Variants in HAUS1 observed in about 807,000 individuals in gnomAD.
The protein encoded by HAUS1 is HAUS augmin-like complex subunit 1.
A neutral mutation model predicts 38.6 loss-of-function variants in HAUS1; 25 were observed. The ratio of observed to expected loss-of-function variants is 0.65; its 90% CI spans 0.47 to 0.91. The LOEUF is 0.91. Ranked by LOEUF, HAUS1 falls within the 40% of genes least tolerant of loss-of-function variation. The pLI is 0.00. For synonymous variants in HAUS1, 109 were observed against 112.9 expected (o/e 0.97, Z 0.22); for missense variants, 325 against 328.4 (o/e 0.99, Z 0.08).
chr18:46,110,881 G>T (rs1438703443), intron 2 of HAUS1, among the ~76,000 whole-genome samples: 2 of 128,350 alleles, frequency 1.6e-5, no homozygotes, highest in Admixed American at 2.0e-4. Flanking sequence ...CTGCTTTCAA[G>T]ATTTTCTTTT....
chr18:46,108,830 G>A (rs1911542896), intron 2 of HAUS1, among the ~76,000 whole-genome samples: 1 of 152,128 alleles, frequency 6.6e-6, no homozygotes. Flanking sequence ...CCAGCACTTT[G>A]GGAGGCCGAG....
At chr18:46,127,342 G>A (rs1213286455) in intron 8 of HAUS1, among the ~76,000 whole-genome samples, 1 of 152,018 alleles carries the variant, frequency 6.6e-6, no homozygotes, top group Non-Finnish European at 1.5e-5. Context: ...GGTAGATTGG[G>A]AGAAAGAAAA....
rs769161265 is a variant in HAUS1 at position 46,104,398 on chromosome 18, C to G, written c.-14C>G. 54 of 1,447,842 alleles carry G rather than the reference C, an allele frequency of 3.7e-5. No homozygotes were observed. Among genetic ancestry groups the G allele is most frequent in the Non-Finnish European group, 4.8e-5 (52 of 1,088,078 alleles). The allele number at this position is 1,447,842 out of a possible 1,614,324, so 89.7% of individuals were successfully genotyped here. A position where few individuals can be genotyped will look rare whatever the true frequency, so the allele number is the denominator to read the frequency against. ...CCGCTAGGAGTTCCTAGTAAAGTGGCGGGAGCCGCAGCTATGGAGCCGCAG... is the reference window on the plus strand; with the variant it reads ...CCGCTAGGAGTTCCTAGTAAAGTGGGGGGAGCCGCAGCTATGGAGCCGCAG... On this transcript the variant is annotated 5_prime_UTR_variant, in exon 1 of 9. Coordinates refer to ENST00000282058, the MANE Select transcript of HAUS1 (RefSeq NM_138443.4).
chr18:46,124,217 C>A (rs1390480216), intron 6 of HAUS1, among the ~76,000 whole-genome samples: 1 of 151,674 alleles, frequency 6.6e-6, no homozygotes. Flanking sequence ...TGAGACCAGC[C>A]TGGCCAAAAT....
chr18:46,118,730 C>G (rs1441356090), intron 3 of HAUS1, among the ~76,000 whole-genome samples: 2 of 152,110 alleles, frequency 1.3e-5, no homozygotes, highest in Non-Finnish European at 2.9e-5. Context: ...TTCCAACAAC[C>G]TTTAGAGGAA....
chr18:46,120,695 C>T (rs920638099), intron 4 of HAUS1, among the ~76,000 whole-genome samples: 1 of 151,942 alleles, frequency 6.6e-6, no homozygotes, highest in African/African-American at 2.4e-5. Flanking sequence ...AAGCGAGTTT[C>T]CTGCCTCAGC....
At chr18:46,124,935 C>A in intron 7 of HAUS1, 42 bp downstream of exon 7, 1 of 1,123,120 alleles carries the variant, frequency 8.9e-7, no homozygotes, top group Non-Finnish European at 1.4e-6. Context: ...TTTCCTCCAA[C>A]CTTCCCTGAG....
chr18:46,118,280 C>G lies in HAUS1; in HGVS notation c.305C>G (p.Ala102Gly), dbSNP rs145196614. ...SRYLNALVDS[A>G]VALETKDTSL... ...TATCTGAATGCTTTGGTTGACAGTG[C>G]GGTGGCCCTTGAAACAAAGGATACC... is the stretch of plus-strand genomic sequence containing the variant. Residue 102 changes from alanine (A) to glycine (G), a missense_variant, in exon 3 of 9, where the codon GCG becomes GGG. By Grantham distance (60) the Ala-to-Gly change is moderately conservative. Transcript: ENST00000282058. The G allele has an allele frequency of 1.2e-6, 2 of 1,613,230 alleles. No individual in the cohort carries two copies. The highest frequency in any genetic ancestry group is 1.7e-6 in the Non-Finnish European group (2 of 1,179,900).
rs1029887445 is a variant in HAUS1, at chr18:46,104,535, A to T, written c.30+94A>T. On this transcript the variant is annotated intron_variant, in intron 1 of 8. Coordinates refer to ENST00000282058, the MANE Select transcript of HAUS1 (RefSeq NM_138443.4). ...CGGGTCTCCTGTGCGCGCCACGTCT[A>T]CTTTTCTCTCCCCTATTCCACACAT... The T allele has an allele frequency of 1.6e-4, 175 of 1,087,964 alleles. 1 individual carries two copies. Among genetic ancestry groups the T allele is most frequent in the Non-Finnish European group, 2.1e-4 (166 of 795,876 alleles). 67.4% of individuals were successfully genotyped at this position (1,087,964 alleles called of 1,614,324 possible).
At chr18:46,119,116 AC>A (rs1468317562) in intron 3 of HAUS1, among the ~76,000 whole-genome samples, 2 of 151,970 alleles carry the variant, frequency 1.3e-5, no homozygotes, top group East Asian at 3.9e-4. Context: ...TGATCTACCC[AC>A]CTCTGCCTCC....
In HAUS1 at chr18:46,121,069, C is replaced by T. The variant is rs140332971; in HGVS notation, c.476+1009C>T. ...GCCCCAGAGATTAGGGCCTATAGAT[C>T]AGGAGTATGTGTATATATGCACAAG... is the stretch of plus-strand genomic sequence containing the variant. On this transcript the variant is annotated intron_variant, in intron 4 of 8. Coordinates refer to ENST00000282058, the MANE Select transcript of HAUS1 (RefSeq NM_138443.4). 1.6e-3 allele frequency among the ~76,000 whole-genome samples: 240 copies of T among 152,136 alleles called. 1 individual carries two copies. The highest frequency in any genetic ancestry group is 5.7e-3 in the African/African-American group (238 of 41,524).
At chr18:46,116,012 A>C (rs1911787382) in intron 2 of HAUS1, among the ~76,000 whole-genome samples, 1 of 151,390 alleles carries the variant, frequency 6.6e-6, no homozygotes, top group Non-Finnish European at 1.5e-5. Context: ...AGGCTGAGGC[A>C]TGAGAATCAC....
intron 2 of HAUS1, among the ~76,000 whole-genome samples, chr18:46,113,541 G>A (rs543194400): frequency 1.3e-5 from 2 of 151,884 alleles, no homozygotes; most frequent in South Asian, 4.2e-4. Flanking sequence ...TTTATTTGAT[G>A]CAACATTGTC....
rs1451803550 is a variant in HAUS1, at chr18:46,125,759, C to T, written c.754C>T (p.Gln252Ter). 6.2e-7 allele frequency: 1 copy of T among 1,602,536 alleles called. No individual in the cohort carries two copies. Among genetic ancestry groups the T allele is most frequent in the Middle Eastern group, 1.7e-4 (1 of 5,716 alleles). The change falls in exon 8 of 9, where the codon CAA (glutamine) becomes TAA (stop). Residue 252 changes from glutamine to a stop codon, truncating the protein, a stop_gained. Coordinates refer to ENST00000282058, the MANE Select transcript of HAUS1 (RefSeq NM_138443.4). LOFTEE classifies it high-confidence loss of function. Reference protein sequence around the residue: ...LDLMPNPSLAQVKIEEAKREL... With the variant: ...LDLMPNPSLA ...TTTTTTAAAGAATCCGTCTCTTGCT[C>T]AAGTGAAAATTGAAGAAGCAAAGCG... is the stretch of plus-strand genomic sequence containing the variant.
chr18:46,128,080 C>A lies in HAUS1; in HGVS notation c.792C>A (p.Ser264Arg). ...KIEEAKRELD[S>R]IEAELTRRVD... ...GTATGTCTTTCTTCCTGTAGGATAG[C>A]ATTGAAGCTGAACTTACAAGAAGAG... Residue 264 changes from serine (S) to arginine (R), a missense_variant, in exon 9 of 9, where the codon AGC becomes AGA. Physicochemically the swap from Ser to Arg is moderately radical, Grantham distance 110 (BLOSUM62 -1). Coordinates refer to ENST00000282058, the MANE Select transcript of HAUS1 (RefSeq NM_138443.4). 6.3e-7 allele frequency: 1 copy of A among 1,576,750 alleles called. No individual in the cohort carries two copies. The highest frequency in any genetic ancestry group is 8.6e-7 in the Non-Finnish European group (1 of 1,161,410).
At chr18:46,124,316 A>G (rs1330843639) in intron 6 of HAUS1, among the ~76,000 whole-genome samples, 2 of 151,004 alleles carry the variant, frequency 1.3e-5, no homozygotes, top group Non-Finnish European at 2.9e-5. Flanking sequence ...AGGCTGAGGC[A>G]GGAGAAAGAA....
rs749583389 is a variant in HAUS1 at position 46,104,391 on chromosome 18, A to G, written c.-21A>G. ...GCATCTCCCGCTAGGAGTTCCTAGT[A>G]AAGTGGCGGGAGCCGCAGCTATGGA... On this transcript the variant is annotated 5_prime_UTR_variant, in exon 1 of 9. Transcript: ENST00000282058. 2 of 1,457,238 alleles carry G rather than the reference A, an allele frequency of 1.4e-6. No homozygotes were observed. The highest frequency in any genetic ancestry group is 1.4e-5 in the African/African-American group (1 of 69,146). The allele number at this position is 1,457,238 out of a possible 1,614,324, so 90.3% of individuals were successfully genotyped here. A position where few individuals can be genotyped will look rare whatever the true frequency, so the allele number is the denominator to read the frequency against.
intron 4 of HAUS1, 54 bp from the exon 5 acceptor site, chr18:46,122,413 A>C: frequency 6.3e-7 from 1 of 1,575,406 alleles, no homozygotes; most frequent in East Asian, 2.2e-5. Context: ...CTATTGTACA[A>C]TACTTTTACT....
chr18:46,111,948 C>T (rs1485078507), intron 2 of HAUS1, among the ~76,000 whole-genome samples: 3 of 148,314 alleles, frequency 2.0e-5, no homozygotes, highest in Non-Finnish European at 3.0e-5. Flanking sequence ...CGCAATGGCA[C>T]GATCTCAGCT....
Sources: allele counts gnomAD v4.1 joint callset (sites outside exome capture counted in the v4.1 genomes callset), GRCh38; gene constraint gnomAD v4.1.1; transcripts MANE v1.5; gene names NCBI Gene and HGNC (gene_info 2026-07-23, HGNC 2026-07-21).